Variants in ARMH4 observed in about 807,000 individuals in gnomAD.
ARMH4 encodes the protein armadillo-like helical domain-containing protein 4.
Under a neutral mutation model 61.9 loss-of-function variants are expected in ARMH4, and 49 were observed. That is an observed-to-expected ratio of 0.79 (90% confidence interval 0.63 to 1.00). The LOEUF is 1.00. ARMH4 is among the 50% of genes least tolerant of loss of function. The probability of loss-of-function intolerance (pLI) is 0.00; values close to 1 mark genes in which losing one functional copy is unlikely to be tolerated. For synonymous variants in ARMH4, 368 were observed against 341.5 expected (o/e 1.08, Z -0.85); for missense variants, 934 against 930.0 (o/e 1.00, Z -0.06).
chr14:58,097,520 G>C (rs1885794344), intron 4 of ARMH4, among the ~76,000 whole-genome samples: 1 of 152,120 alleles, frequency 6.6e-6, no homozygotes, highest in African/African-American at 2.4e-5. Context: ...CTAAGGAAGA[G>C]TAATCCAAGA....
intron 4 of ARMH4, among the ~76,000 whole-genome samples, chr14:58,102,265 G>A (rs1234072318): frequency 6.6e-6 from 1 of 152,124 alleles, no homozygotes; most frequent in Non-Finnish European, 1.5e-5. Flanking sequence ...CTGATGGCAG[G>A]AGTCCCAGGA....
chr14:58,080,340 G>A (rs1341925634), intron 5 of ARMH4, among the ~76,000 whole-genome samples: 1 of 151,922 alleles, frequency 6.6e-6, no homozygotes, highest in East Asian at 1.9e-4. Context: ...TGTTGGTCAG[G>A]CTGGTCTCAA....
chr14:58,129,640 C>T (rs1049593210), intron 4 of ARMH4, among the ~76,000 whole-genome samples: 1 of 152,184 alleles, frequency 6.6e-6, no homozygotes, highest in Non-Finnish European at 1.5e-5. Flanking sequence ...GCCTCCAATA[C>T]ATCCAGGAGT....
chr14:58,068,558 A>G (rs1262705731), intron 5 of ARMH4, among the ~76,000 whole-genome samples: 1 of 152,138 alleles, frequency 6.6e-6, no homozygotes, highest in East Asian at 1.9e-4. Flanking sequence ...ACAGAAGTGG[A>G]TTTCAGAGTA....
At chr14:58,097,403 A>G (rs1341865291) in intron 4 of ARMH4, among the ~76,000 whole-genome samples, 1 of 152,218 alleles carries the variant, frequency 6.6e-6, no homozygotes, top group East Asian at 1.9e-4. Context: ...TAAAGGAGAC[A>G]ATTCATTATT....
At chr14:58,042,053 C>G (rs1883731911) in intron 5 of ARMH4, among the ~76,000 whole-genome samples, 1 of 152,030 alleles carries the variant, frequency 6.6e-6, no homozygotes, top group Admixed American at 6.6e-5. Flanking sequence ...AGAAAGTTAA[C>G]AAGGATATCC....
At chr14:58,056,109 T>C (rs1243679832) in intron 5 of ARMH4, among the ~76,000 whole-genome samples, 1 of 152,194 alleles carries the variant, frequency 6.6e-6, no homozygotes, top group African/African-American at 2.4e-5. Flanking sequence ...GAAGTTCAAC[T>C]TGGTGATAAT....
At position 58,078,472 on chromosome 14, in the gene ARMH4, C is replaced by T. The variant is rs139709474; in HGVS notation, c.2089+18252G>A. ...CCTCTGCTTCATTGGGATAAAGAGG[C>T]CCTTCTGTAGCAGTCACTGCTGGTT... On this transcript the variant is annotated intron_variant, in intron 5 of 7. Coordinates refer to ENST00000267485, the MANE Select transcript of ARMH4 (RefSeq NM_001001872.4). Among the ~76,000 whole-genome samples, 773 of 152,244 alleles carry T rather than the reference C, an allele frequency of 5.1e-3. 13 individuals carry two copies. The highest frequency in any genetic ancestry group is 0.018 in the African/African-American group (735 of 41,532).
chr14:58,139,662 T>G (rs746030848), intron 1 of ARMH4, among the ~76,000 whole-genome samples: 8 of 152,224 alleles, frequency 5.3e-5, no homozygotes, highest in Non-Finnish European at 1.0e-4. Context: ...AGTATTAAGT[T>G]CGTTGTTTCT....
chr14:58,148,956 T>G (rs1384573618), intron 1 of ARMH4, among the ~76,000 whole-genome samples: 1 of 152,118 alleles, frequency 6.6e-6, no homozygotes, highest in African/African-American at 2.4e-5. Context: ...ATCTCACCTT[T>G]TGAAATACAA....
intron 4 of ARMH4, among the ~76,000 whole-genome samples, chr14:58,102,189 G>A (rs1886006509): frequency 6.6e-6 from 1 of 152,186 alleles, no homozygotes; most frequent in Non-Finnish European, 1.5e-5. Flanking sequence ...TTGGGGCAGG[G>A]TTTTAAAATA....
At chr14:58,025,031 C>A (rs1488373684) in intron 5 of ARMH4, among the ~76,000 whole-genome samples, 1 of 152,130 alleles carries the variant, frequency 6.6e-6, no homozygotes, top group Non-Finnish European at 1.5e-5. Flanking sequence ...AAATGTGACA[C>A]AGGGACACAG....
At chr14:58,132,788 C>T (rs1887159254) in intron 3 of ARMH4, among the ~76,000 whole-genome samples, 1 of 151,890 alleles carries the variant, frequency 6.6e-6, no homozygotes, top group South Asian at 2.1e-4. Context: ...GGTTTCACCA[C>T]GTTGGCCAGG....
chr14:58,132,411 T>C (rs1166557241), intron 3 of ARMH4, among the ~76,000 whole-genome samples: 3 of 152,048 alleles, frequency 2.0e-5, no homozygotes, highest in African/African-American at 7.2e-5. Context: ...ACAATATTAG[T>C]GAAAGCCAAA....
chr14:58,054,656 G>A (rs1884262782), intron 5 of ARMH4, among the ~76,000 whole-genome samples: 1 of 151,986 alleles, frequency 6.6e-6, no homozygotes, highest in African/African-American at 2.4e-5. Flanking sequence ...CCAACACTTT[G>A]GCAGGCTGAG....
At chr14:58,038,957 C>T (rs566239488) in intron 5 of ARMH4, among the ~76,000 whole-genome samples, 2 of 152,326 alleles carry the variant, frequency 1.3e-5, no homozygotes, top group African/African-American at 4.8e-5. Flanking sequence ...GCTCTTCTGT[C>T]GTTGGGGTGC....
At chr14:58,033,210 C>T (rs950345552) in intron 5 of ARMH4, among the ~76,000 whole-genome samples, 2 of 115,998 alleles carry the variant, frequency 1.7e-5, no homozygotes, top group African/African-American at 6.1e-5. Context: ...GATCTGAGAA[C>T]GGGCAGACTG....
At chr14:58,124,608 G>T (rs2141313276) in intron 4 of ARMH4, among the ~76,000 whole-genome samples, 2 of 152,254 alleles carry the variant, frequency 1.3e-5, no homozygotes, top group South Asian at 4.1e-4. Context: ...CTGCATACTT[G>T]TGCAACTCTT....
At chr14:58,061,141 A>G (rs1884518185) in intron 5 of ARMH4, among the ~76,000 whole-genome samples, 1 of 152,142 alleles carries the variant, frequency 6.6e-6, no homozygotes, top group Admixed American at 6.5e-5. Flanking sequence ...GCCACACTTA[A>G]GGAGGAATCG....
Sources: allele counts gnomAD v4.1 joint callset (sites outside exome capture counted in the v4.1 genomes callset), GRCh38; gene constraint gnomAD v4.1.1; transcripts MANE v1.5; gene names NCBI Gene and HGNC (gene_info 2026-07-23, HGNC 2026-07-21).